LRRK2: variants seen among roughly 807,000 people sequenced by gnomAD.
LRRK2 encodes the protein leucine-rich repeat serine/threonine-protein kinase 2.
LRRK2 carries 203 observed loss-of-function variants against 302.6 expected under a neutral mutation model. The observed-to-expected ratio is 0.67, with a 90% CI of 0.60 to 0.75. The LOEUF (loss-of-function observed/expected upper bound fraction) is 0.75. Among genes scored for constraint, LRRK2 ranks in the 30% least tolerant of loss-of-function variants. LRRK2 has a pLI of 0.00. For missense variants in LRRK2, 2,830 were observed against 2,951.0 expected, an observed-to-expected ratio of 0.96 and a Z score of 0.95; for synonymous variants, 1,066 against 1,031.9, an observed-to-expected ratio of 1.03 and a Z score of -0.63.
At chr12:40,251,066 A>G (rs945582107) in intron 8 of LRRK2, among the ~76,000 whole-genome samples, 166 bp from the exon 9 acceptor site, 1 of 149,804 alleles carries the variant, frequency 6.7e-6, no homozygotes, top group Non-Finnish European at 1.5e-5. Context: ...TGGTAGCATT[A>G]TGAGACGTAT....
At chr12:40,249,682 T>G in intron 7 of LRRK2, 144 bp from the exon 8 acceptor site, 1 of 889,348 alleles carries the variant, frequency 1.1e-6, no homozygotes, top group Non-Finnish European at 1.7e-6. Flanking sequence ...TCAATCATAT[T>G]AAGCTATTTT....
rs1403927661 is a variant in LRRK2 at position 40,281,698 on chromosome 12, T to G, written c.2242-2177T>G. 2.0e-5 allele frequency among the ~76,000 whole-genome samples: 3 copies of G among 152,356 alleles called. No individual in the cohort carries two copies. The East Asian group carries it at 5.8e-4, about 29-fold the overall frequency. ...TTTTTGCTGGCATTTATTTATTTTA[T>G]CAGATTCACTTTCTCATATATGTCT... is the stretch of plus-strand genomic sequence containing the variant. On this transcript the variant is annotated intron_variant, in intron 18 of 50. Transcript: ENST00000298910.
In LRRK2 at chr12:40,302,812, T is replaced by G. The variant is rs778521974; in HGVS notation, c.3520T>G (p.Ser1174Ala). The G allele has an allele frequency of 5.0e-6, 8 of 1,610,808 alleles. No homozygotes were observed. Among genetic ancestry groups the G allele is most frequent in the Non-Finnish European group, 3.4e-6 (4 of 1,177,572 alleles). ...FLAAMPFLPP[S>A]MTILKLSQNK... is the part of the protein sequence containing the mutation. ...AGCTGCTATGCCTTTCTTGCCTCCT[T>G]CTATGACAATCCTAAAATTATCTCA... is the stretch of plus-strand genomic sequence containing the variant. Residue 1174 changes from serine (S) to alanine (A), a missense_variant, in exon 26 of 51, where the codon TCT (serine) becomes GCT (alanine). By Grantham distance (99) the Ser-to-Ala change is moderately conservative. This residue lies in a region of LRRK2 where 2,121 missense variants were observed against 2,148.0 expected (regional missense o/e 0.99). Transcript: ENST00000298910.
In LRRK2 at chr12:40,335,099, G is replaced by T; in HGVS notation, c.5890G>T (p.Ala1964Ser). 1.2e-6 allele frequency: 2 copies of T among 1,614,072 alleles called. No homozygotes were observed. The highest frequency in any genetic ancestry group is 2.7e-5 in the African/African-American group (2 of 75,012). Reference sequence around the variant, plus strand: ...GGATCGCCTGCTTCAGCAGGACAAAGCCAGCCTCACTAGAACCCTACAGCA... The same window carrying T: ...GGATCGCCTGCTTCAGCAGGACAAATCCAGCCTCACTAGAACCCTACAGCA... The part of the protein sequence containing the change: ...SLDRLLQQDK[A>S]SLTRTLQHRI... Residue 1964 changes from alanine to serine, a missense_variant, in exon 40 of 51, where the codon GCC becomes TCC. Physicochemically the swap from Ala to Ser is moderately conservative, Grantham distance 99 (BLOSUM62 1). Around this residue, in one of 3 missense-constraint regions of LRRK2, gnomAD observed 253 missense variants for 346.7 expected, o/e 0.73. Coordinates refer to ENST00000298910, the MANE Select transcript of LRRK2 (RefSeq NM_198578.4).
At chr12:40,253,647 G>A (rs1479802527) in intron 11 of LRRK2, among the ~76,000 whole-genome samples, 2 of 152,228 alleles carry the variant, frequency 1.3e-5, no homozygotes, top group South Asian at 2.1e-4. Context: ...CAAGTGCTGG[G>A]ATTACAGGCA....
chr12:40,237,639 G>A (rs1941525611), intron 4 of LRRK2, among the ~76,000 whole-genome samples: 2 of 152,282 alleles, frequency 1.3e-5, no homozygotes, highest in Admixed American at 6.5e-5. Context: ...TGGGGTAACT[G>A]TGGAATATTC....
chr12:40,285,968 A>G (rs1269666940), intron 19 of LRRK2, among the ~76,000 whole-genome samples: 1 of 152,056 alleles, frequency 6.6e-6, no homozygotes, highest in Non-Finnish European at 1.5e-5. Context: ...ACATGGTTAG[A>G]TCCCATGTTT....
intron 14 of LRRK2, among the ~76,000 whole-genome samples, chr12:40,273,345 G>A (rs1022428719): frequency 5.3e-5 from 8 of 152,106 alleles, no homozygotes; most frequent in Non-Finnish European, 2.9e-5. Context: ...AAAATGTCAA[G>A]GGAGACTATG....
chr12:40,367,894 A>C lies in LRRK2; in HGVS notation c.*129A>C, dbSNP rs1946927599. The C allele has an allele frequency of 2.8e-6, 2 of 705,466 alleles. No homozygotes were observed. The highest frequency in any genetic ancestry group is 4.3e-6 in the Non-Finnish European group (2 of 460,640). The allele number at this position is 705,466 out of a possible 1,614,324, so 43.7% of individuals were successfully genotyped here. A position where few individuals can be genotyped will look rare whatever the true frequency, so the allele number is the denominator to read the frequency against. ...TAGCTCGTGTGTATGAAGGAATGTT[A>C]TTATTTTTAATTTAAATATATGTAA... On this transcript the variant is annotated 3_prime_UTR_variant, in exon 51 of 51. Coordinates refer to ENST00000298910, the MANE Select transcript of LRRK2 (RefSeq NM_198578.4).
chr12:40,324,962 TG>T (rs1473696387), intron 38 of LRRK2, among the ~76,000 whole-genome samples: 1 of 152,214 alleles, frequency 6.6e-6, no homozygotes, highest in African/African-American at 2.4e-5. Context: ...GGACACGTTT[TG>T]AGTAGTGTAT....
At chr12:40,255,713 A>G (rs1270077148) in intron 11 of LRRK2, among the ~76,000 whole-genome samples, 1 of 152,184 alleles carries the variant, frequency 6.6e-6, no homozygotes, top group Non-Finnish European at 1.5e-5. Flanking sequence ...GATGCACACT[A>G]AAGTTTGAGA....
intron 42 of LRRK2, among the ~76,000 whole-genome samples, chr12:40,347,305 TATA>T (rs1441414637): frequency 1.3e-5 from 2 of 152,228 alleles, no homozygotes; most frequent in Non-Finnish European, 2.9e-5. Context: ...CTGAATGATC[TATA>T]ATAATAATTT....
At chr12:40,229,955 CTTT>C (rs71078229) in intron 2 of LRRK2, among the ~76,000 whole-genome samples, 32 of 92,900 alleles carry the variant, frequency 3.4e-4, no homozygotes, top group African/African-American at 1.0e-3. Context: ...TCCTATGTGA[CTTT>C]TTTTTTTTTT....
At chr12:40,351,022 C>A (rs1197721316) in intron 43 of LRRK2, among the ~76,000 whole-genome samples, 1 of 152,062 alleles carries the variant, frequency 6.6e-6, no homozygotes, top group East Asian at 1.9e-4. Flanking sequence ...GTGGCCATGT[C>A]ACAGCTCTAA....
At position 40,299,251 on chromosome 12, in the gene LRRK2, T is replaced by G. The variant is rs1944529290; in HGVS notation, c.3490T>G (p.Phe1164Val). The stretch of plus-strand genomic sequence containing the variant: ...GGAGAGTTTCAGTGCCAGAATGAAT[T>G]TTCTTGGTAAGTGTTCTGTGTGGGT... ...KVESFSARMN[F>V]LAAMPFLPPS... Residue 1164 changes from phenylalanine (F) to valine (V), a missense_variant, in exon 25 of 51, where the codon TTT becomes GTT. Transcript: ENST00000298910. 6.2e-7 allele frequency: 1 copy of G among 1,613,234 alleles called. No homozygotes were observed.
In LRRK2 at chr12:40,319,785, AAT is replaced by A. The variant is rs1491243044; in HGVS notation, c.4828-202_4828-201del. On this transcript the variant is annotated intron_variant, in intron 33 of 50. Coordinates refer to ENST00000298910, the MANE Select transcript of LRRK2 (RefSeq NM_198578.4). Reference sequence around the variant, plus strand: ...TCCGAATTAACTCCCTTAATTTAACAATTTTTTTTTTTTTTTTGAGAGTGAAT... The same window carrying A: ...TCCGAATTAACTCCCTTAATTTAACATTTTTTTTTTTTTTTGAGAGTGAAT... 1.0e-4 allele frequency among the ~76,000 whole-genome samples: 3 copies of A among 28,608 alleles called. No individual in the cohort carries two copies. In the South Asian group the frequency reaches 5.9e-3, roughly 57 times the overall value. 18.8% of individuals were successfully genotyped at this position (28,608 alleles called of 152,430 possible). A position where few individuals can be genotyped will look rare whatever the true frequency, so the allele number is the denominator to read the frequency against.
rs116009028 is a variant in LRRK2, at chr12:40,295,763, G to A, written c.3096+119G>A. The A allele has an allele frequency of 2.5e-3, 2,311 of 936,218 alleles. 36 individuals are homozygous for A. The African/African-American group carries it at 0.035, about 14-fold the overall frequency. 58.0% of individuals were successfully genotyped at this position (936,218 alleles called of 1,614,324 possible). A position where few individuals can be genotyped will look rare whatever the true frequency, so the allele number is the denominator to read the frequency against. On this transcript the variant is annotated intron_variant, in intron 23 of 50. Transcript: ENST00000298910. Reference sequence around the variant, plus strand: ...CTACTTTTGTGTCACTGGGTGATAAGTCCCCCGTGCCTCTGGTTTTTGCAC... The same window carrying A: ...CTACTTTTGTGTCACTGGGTGATAAATCCCCCGTGCCTCTGGTTTTTGCAC...
rs747860822 is a variant in LRRK2, at chr12:40,302,823, C to A, written c.3531C>A (p.Ile1177=). Residue 1177 remains isoleucine (I), a synonymous_variant, in exon 26 of 51, where the codon ATC becomes ATA. Transcript: ENST00000298910. ...CTTTCTTGCCTCCTTCTATGACAAT[C>A]CTAAAATTATCTCAGAACAAATTTT... The part of the protein sequence containing the change: ...AMPFLPPSMT[I]LKLSQNKFSC... 1 of 1,611,106 alleles carries A rather than the reference C, an allele frequency of 6.2e-7. No homozygotes were observed. Among genetic ancestry groups the A allele is most frequent in the Admixed American group, 1.7e-5 (1 of 59,960 alleles).
chr12:40,331,511 C>T (rs907983877), intron 39 of LRRK2, among the ~76,000 whole-genome samples: 1 of 151,966 alleles, frequency 6.6e-6, no homozygotes, highest in African/African-American at 2.4e-5. Context: ...TTTTGGCTTC[C>T]CTGGGCCGTA....
Sources: gnomAD v4.1 joint callset for allele counts (sites outside exome capture counted in the v4.1 genomes callset) on GRCh38, gnomAD v4.1.1 for gene constraint, gnomAD v4.1.1 regional missense constraint, MANE v1.5 for transcripts, NCBI Gene and HGNC (gene_info 2026-07-23, HGNC 2026-07-21) for gene names.